The following FRS2 variants were observed in gnomAD, a reference collection of about 807,000 sequenced individuals.
FRS2 encodes the protein fibroblast growth factor receptor substrate 2.
In FRS2, 8 loss-of-function variants were observed where a neutral mutation model predicts 43.9. The ratio of observed to expected loss-of-function variants is 0.18; its 90% CI spans 0.11 to 0.33. The LOEUF (loss-of-function observed/expected upper bound fraction) is 0.33. Ranked by LOEUF, FRS2 falls within the 10% of genes least tolerant of loss-of-function variation. The pLI is 1.00. For missense variants in FRS2, 534 were observed against 627.6 expected, an observed-to-expected ratio of 0.85 and a Z score of 1.59; for synonymous variants, 219 against 220.3, an observed-to-expected ratio of 0.99 and a Z score of 0.05.
intron 3 of FRS2, among the ~76,000 whole-genome samples, chr12:69,534,534 CTT>C (rs1877093321): frequency 6.6e-6 from 1 of 152,304 alleles, no homozygotes; most frequent in East Asian, 1.9e-4. Flanking sequence ...GAAGTACTGA[CTT>C]TAAATGGACC....
chr12:69,475,810 G>C lies in FRS2; in HGVS notation c.-261+5280G>C, dbSNP rs552559434. On this transcript the variant is annotated intron_variant, in intron 1 of 8. Coordinates refer to ENST00000549921, the MANE Select transcript of FRS2 (RefSeq NM_001278356.2). ...TCCCGAAGTGCTGGACTGTGGAGTAGTGTCAGTTCATGACAGAGTTTTCCT... is the reference window on the plus strand; with the variant it reads ...TCCCGAAGTGCTGGACTGTGGAGTACTGTCAGTTCATGACAGAGTTTTCCT... 7.9e-5 allele frequency among the ~76,000 whole-genome samples: 12 copies of C among 152,248 alleles called. No homozygotes were observed. The South Asian group carries it at 2.5e-3, about 32-fold the overall frequency.
chr12:69,492,227 TG>T (rs1872548612), intron 1 of FRS2, among the ~76,000 whole-genome samples: 2 of 152,250 alleles, frequency 1.3e-5, no homozygotes, highest in Non-Finnish European at 1.5e-5. Flanking sequence ...GACTAGAGGC[TG>T]GGGGTAGAGG....
chr12:69,498,033 G>T (rs551846615), intron 1 of FRS2, among the ~76,000 whole-genome samples: 2 of 151,340 alleles, frequency 1.3e-5, no homozygotes, highest in South Asian at 4.2e-4. Flanking sequence ...TTTTTTATGT[G>T]TACATTAACT....
intron 1 of FRS2, among the ~76,000 whole-genome samples, chr12:69,501,547 C>G (rs574125848): frequency 7.9e-5 from 12 of 152,174 alleles, no homozygotes; most frequent in Non-Finnish European, 1.6e-4. Flanking sequence ...TAACATATTT[C>G]TTTTGCATTA....
chr12:69,509,973 A>G (rs1000491684), intron 1 of FRS2, among the ~76,000 whole-genome samples: 3 of 152,194 alleles, frequency 2.0e-5, no homozygotes, highest in African/African-American at 7.2e-5. Flanking sequence ...AACAAAGGCA[A>G]TTTTAACAGC....
Position 69,576,280 on chromosome 12 carries a change from C to T in FRS2, c.*1325C>T, listed in dbSNP as rs1022479842. ...TGTAGCTGGATCTTTGATTATCCTT[C>T]GATTTCCATGAAATATTAATATTGT... is the stretch of plus-strand genomic sequence containing the variant. On this transcript the variant is annotated 3_prime_UTR_variant, in exon 9 of 9. Transcript: ENST00000549921. 9.9e-5 allele frequency: 15 copies of T among 152,060 alleles called. No homozygotes were observed. The highest frequency in any genetic ancestry group is 2.4e-4 in the African/African-American group (10 of 41,390). The allele number at this position is 152,060 out of a possible 1,614,324, so 9.4% of individuals were successfully genotyped here. A position where few individuals can be genotyped will look rare whatever the true frequency, so the allele number is the denominator to read the frequency against.
At chr12:69,494,931 G>A (rs577594056) in intron 1 of FRS2, among the ~76,000 whole-genome samples, 22 of 151,978 alleles carry the variant, frequency 1.4e-4, no homozygotes, top group African/African-American at 3.6e-4. Context: ...CCACCATCAC[G>A]CCCAGCTAAT....
Position 69,470,463 on chromosome 12 carries a change from CG to C in FRS2, c.-325del, listed in dbSNP as rs1277906327. ...TCTGCTCCAAGTAGGGGCTCCAGCGCGGGTCGGAGTCTGGGGGTTCGCGCCC... is the reference window on the plus strand; with the variant it reads ...TCTGCTCCAAGTAGGGGCTCCAGCGCGGTCGGAGTCTGGGGGTTCGCGCCC... On this transcript the variant is annotated 5_prime_UTR_variant, in exon 1 of 9. Coordinates refer to ENST00000549921, the MANE Select transcript of FRS2 (RefSeq NM_001278356.2). 7.5e-6 allele frequency: 3 copies of C among 398,506 alleles called. No individual in the cohort carries two copies. The highest frequency in any genetic ancestry group is 6.2e-5 in the African/African-American group (3 of 48,646). The allele number at this position is 398,506 out of a possible 1,614,324, so 24.7% of individuals were successfully genotyped here.
At chr12:69,538,211 A>ATAT (rs1405301406) in intron 3 of FRS2, among the ~76,000 whole-genome samples, 1 of 131,552 alleles carries the variant, frequency 7.6e-6, no homozygotes, top group Admixed American at 7.6e-5. Context: ...ATATATATAT[A>ATAT]TATATATATA....
intron 3 of FRS2, among the ~76,000 whole-genome samples, chr12:69,561,050 A>G (rs923032713): frequency 2.8e-4 from 43 of 152,224 alleles, no homozygotes; most frequent in Non-Finnish European, 2.8e-4. Flanking sequence ...CCTAGAATAC[A>G]TTTTAAAAGA....
intron 1 of FRS2, among the ~76,000 whole-genome samples, chr12:69,477,999 C>G (rs576631758): frequency 1.1e-4 from 17 of 152,056 alleles, no homozygotes; most frequent in African/African-American, 4.1e-4. Flanking sequence ...CCTCGGCCTC[C>G]CAAAGTGCTG....
intron 1 of FRS2, among the ~76,000 whole-genome samples, chr12:69,496,175 G>A (rs567116771): frequency 2.0e-5 from 3 of 152,102 alleles, no homozygotes; most frequent in Admixed American, 6.5e-5. Context: ...GGGGGCTCAC[G>A]CCTGTAATCC....
At chr12:69,482,021 C>G (rs2120753391) in intron 1 of FRS2, among the ~76,000 whole-genome samples, 2 of 148,758 alleles carry the variant, frequency 1.3e-5, no homozygotes, top group Middle Eastern at 3.4e-3. Context: ...TTAGTGAAAA[C>G]TAAGTGTAGT....
At position 69,524,885 on chromosome 12, in the gene FRS2, C is replaced by A. The variant is rs535985214; in HGVS notation, c.-260-5980C>A. 2.0e-5 allele frequency among the ~76,000 whole-genome samples: 3 copies of A among 152,276 alleles called. No homozygotes were observed. In the East Asian group the frequency reaches 5.8e-4, roughly 29 times the overall value. On this transcript the variant is annotated intron_variant, in intron 1 of 8. Coordinates refer to ENST00000549921, the MANE Select transcript of FRS2 (RefSeq NM_001278356.2). ...CCTGGTGAGAGCAGGTTGCTCCTTG[C>A]CTGTTCAACTCACCCCTTCTGCAGG...
chr12:69,552,974 G>T (rs889490354), intron 3 of FRS2, among the ~76,000 whole-genome samples: 1 of 151,916 alleles, frequency 6.6e-6, no homozygotes, highest in Non-Finnish European at 1.5e-5. Flanking sequence ...ACTTTGTGCT[G>T]AGAATGAGTG....
chr12:69,484,667 C>T (rs566806595), intron 1 of FRS2, among the ~76,000 whole-genome samples: 1 of 152,120 alleles, frequency 6.6e-6, no homozygotes, highest in Non-Finnish European at 1.5e-5. Flanking sequence ...AGTGCCTAGT[C>T]GTGCTGACAT....
At chr12:69,506,657 A>G (rs1371543742) in intron 1 of FRS2, among the ~76,000 whole-genome samples, 2 of 152,062 alleles carry the variant, frequency 1.3e-5, no homozygotes, top group Admixed American at 6.5e-5. Context: ...GCCCTCTATT[A>G]TCTTCCCCTT....
intron 8 of FRS2, 141 bp from the exon 9 acceptor site, chr12:69,573,862 CAA>C (rs1041995814): frequency 3.6e-6 from 2 of 557,350 alleles, no homozygotes; most frequent in African/African-American, 1.9e-5. Context: ...AAAACAGGTG[CAA>C]AAGTTTTGAA....
intron 1 of FRS2, among the ~76,000 whole-genome samples, chr12:69,529,097 C>T (rs770353317): frequency 1.1e-4 from 16 of 152,056 alleles, no homozygotes; most frequent in Non-Finnish European, 2.2e-4. Context: ...TTGGAGAATT[C>T]GATTAGAAGA....
Sources: allele counts gnomAD v4.1 joint callset (sites outside exome capture counted in the v4.1 genomes callset), GRCh38; gene constraint gnomAD v4.1.1; transcripts MANE v1.5; gene names NCBI Gene and HGNC (gene_info 2026-07-23, HGNC 2026-07-21).